The following DNAH17 variants were observed in gnomAD, a reference collection of about 807,000 sequenced individuals.
DNAH17 encodes the protein axonemal beta dynein heavy chain 17.
A neutral mutation model predicts 485.6 loss-of-function variants in DNAH17; 376 were observed. The ratio of observed to expected loss-of-function variants is 0.77; its 90% confidence interval spans 0.71 to 0.84. DNAH17 has a LOEUF of 0.84. Among genes scored for constraint, DNAH17 ranks in the 40% least tolerant of loss-of-function variants. The pLI, the probability that DNAH17 is intolerant of heterozygous loss-of-function variation, is 0.00. For synonymous variants in DNAH17, 3,031 were observed against 2,405.9 expected, an observed-to-expected ratio of 1.26 and a Z score of -7.60; for missense variants, 6,370 against 5,839.3, an observed-to-expected ratio of 1.09 and a Z score of -2.96.
Position 78,506,882 on chromosome 17 carries a change from C to A in DNAH17, c.4677-36G>T, listed in dbSNP as rs577996305. 230 of 1,613,032 alleles carry A rather than the reference C, an allele frequency of 1.4e-4. No homozygotes were observed. In the African/African-American group the frequency reaches 2.5e-3, roughly 17 times the overall value. On this transcript the variant is annotated intron_variant, in intron 29 of 80. Transcript: ENST00000389840. ...GGAAGGAAGTAGAGGAGGCCGGTGA[C>A]CCTACTCTGTAGGGATGTCTGCCAC...
At chr17:78,504,667 G>A (rs985724336) in intron 31 of DNAH17, among the ~76,000 whole-genome samples, 2 of 152,130 alleles carry the variant, frequency 1.3e-5, no homozygotes, top group Non-Finnish European at 2.9e-5. Context: ...AATGAGACAG[G>A]GGAGGGGGCA....
Position 78,572,875 on chromosome 17 carries a change from T to C in DNAH17, c.365A>G (p.Asn122Ser), listed in dbSNP as rs758628164. ...VVEEVLSSLL[N>S]QSENMAGWPQ... is the part of the protein sequence containing the mutation. ...CCATCCAGCCATGTTCTCACTTTGG[T>C]TTAACAGAGAAGAGAGGACCTAAAA... The change falls in exon 3 of 81, where the codon AAC (asparagine) becomes AGC (serine). Residue 122 changes from asparagine (N) to serine (S), a missense_variant. Coordinates refer to ENST00000389840, the MANE Select transcript of DNAH17 (RefSeq NM_173628.4). 2.5e-6 allele frequency: 4 copies of C among 1,613,652 alleles called. No homozygotes were observed. Among genetic ancestry groups the C allele is most frequent in the African/African-American group, 2.7e-5 (2 of 74,908 alleles).
In DNAH17 at chr17:78,492,679, G is replaced by A. The variant is rs766379402; in HGVS notation, c.6495C>T (p.Asp2165=). 109 of 1,613,542 alleles carry A rather than the reference G, an allele frequency of 6.8e-5. No homozygotes were observed. Among genetic ancestry groups the A allele is most frequent in the South Asian group, 1.2e-4 (11 of 91,036 alleles). ...VDLDPKAVTC[D]ELFGIINPVT... ...CTGGGTTGATGATGCCAAAGAGCTC[G>A]TCGCAGGTGACGGCCTTGGGGTCCA... The change falls in exon 42 of 81, where the codon GAC becomes GAT. Residue 2165 remains aspartate (D), a synonymous_variant. Coordinates refer to ENST00000389840, the MANE Select transcript of DNAH17 (RefSeq NM_173628.4).
chr17:78,472,634 G>C (rs1015135964), intron 54 of DNAH17: 7 of 434,200 alleles, frequency 1.6e-5, no homozygotes, highest in Admixed American at 1.2e-4. Flanking sequence ...CTGTGTGTGG[G>C]GTGTGGGGAG....
intron 34 of DNAH17, 151 bp from the exon 35 acceptor site, chr17:78,501,495 A>G: frequency 9.6e-7 from 1 of 1,040,324 alleles, no homozygotes; most frequent in East Asian, 2.6e-5. Context: ...ATCCAACTGT[A>G]TGGCCACCCT....
intron 54 of DNAH17, among the ~76,000 whole-genome samples, chr17:78,469,644 G>C (rs1410635570): frequency 6.6e-6 from 1 of 152,174 alleles, no homozygotes; most frequent in African/African-American, 2.4e-5. Flanking sequence ...GCACAGCCAG[G>C]TTCACAGCAG....
chr17:78,507,582 G>A lies in DNAH17; in HGVS notation c.4460C>T (p.Ser1487Phe). 6.2e-7 allele frequency: 1 copy of A among 1,614,152 alleles called. No individual in the cohort carries two copies. The highest frequency in any genetic ancestry group is 8.5e-7 in the Non-Finnish European group (1 of 1,179,994). Residue 1487 changes from serine to phenylalanine, a missense_variant, in exon 28 of 81, where the codon TCC becomes TTC. Transcript: ENST00000389840. ...QKLSTADSVISIWFEVQRTWS... is the reference protein window; with the variant it reads ...QKLSTADSVIFIWFEVQRTWS... The stretch of plus-strand genomic sequence containing the variant: ...GGTTCGCTGGACCTCAAACCAGATG[G>A]AGATGACGGAGTCCGCCGTGGACAG...
intron 13 of DNAH17, 39 bp downstream of exon 13, chr17:78,560,701 C>A: frequency 6.6e-7 from 1 of 1,514,046 alleles, no homozygotes; most frequent in Non-Finnish European, 8.9e-7. Flanking sequence ...CCCCCGCTCC[C>A]AAGGAGCCTT....
rs577728894 is a variant in DNAH17 at position 78,494,752 on chromosome 17, G to A, written c.6111C>T (p.Gly2037=). 1.1e-5 allele frequency: 18 copies of A among 1,613,488 alleles called. No individual in the cohort carries two copies. The South Asian group carries it at 1.2e-4, about 11-fold the overall frequency. ...CCTGGTCCTCTGCCCGGCTGGGGTC[G>A]CCCCTCTTCAGGGAGCCGGCCACCA... ...VLVVAGSLKR[G]DPSRAEDQVL... Residue 2037 remains glycine, a synonymous_variant, in exon 40 of 81, where the codon GGC becomes GGT. Coordinates refer to ENST00000389840, the MANE Select transcript of DNAH17 (RefSeq NM_173628.4).
chr17:78,530,346 T>C lies in DNAH17; in HGVS notation c.3281A>G (p.Asn1094Ser), dbSNP rs1241855745. The C allele has an allele frequency of 6.2e-7, 1 of 1,606,750 alleles. No homozygotes were observed. The highest frequency in any genetic ancestry group is 1.7e-5 in the Admixed American group (1 of 59,764). Residue 1094 changes from asparagine (N) to serine (S), a missense_variant, in exon 21 of 81, where the codon AAC becomes AGC. Physicochemically the swap from Asn to Ser is conservative, Grantham distance 46. Transcript: ENST00000389840. ...GAGTACATGGCTGGGGACCCACCTG[T>C]TGGTGACGTGGTTGCTCAGGTGCCG... The part of the protein sequence containing the change: ...FKRHLSNHVT[N>S]SLADLEAFMK...
intron 56 of DNAH17, among the ~76,000 whole-genome samples, chr17:78,463,472 ACG>A (rs2088251445): frequency 1.3e-5 from 2 of 152,108 alleles, no homozygotes; most frequent in Admixed American, 6.5e-5. Context: ...ACACGTGCAT[ACG>A]CATTCACATA....
At chr17:78,476,533 A>G (rs1182643728) in intron 52 of DNAH17, 39 bp downstream of exon 52, 14 of 1,583,150 alleles carry the variant, frequency 8.8e-6, no homozygotes, top group Non-Finnish European at 1.2e-5. Context: ...TCCTGGAGCC[A>G]TTCTGGGCTC....
intron 65 of DNAH17, among the ~76,000 whole-genome samples, chr17:78,452,590 T>A (rs981207876): frequency 6.6e-6 from 1 of 151,936 alleles, no homozygotes; most frequent in Admixed American, 6.6e-5. Context: ...ATACAAAAAT[T>A]AGCTGGGCAC....
At chr17:78,465,527 G>A (rs62073511) in intron 56 of DNAH17, among the ~76,000 whole-genome samples, 1 of 19,216 alleles carries the variant, frequency 5.2e-5, no homozygotes, top group African/African-American at 7.4e-5. Flanking sequence ...GAAGTGAGGA[G>A]CGTCTCTGCC....
intron 48 of DNAH17, among the ~76,000 whole-genome samples, chr17:78,484,563 G>T (rs1450594514): frequency 1.9e-5 from 2 of 107,964 alleles, no homozygotes; most frequent in Non-Finnish European, 4.2e-5. Context: ...GGTGGAAGGG[G>T]GGAAGGAGGA....
chr17:78,440,244 C>CTTTTTTTT (rs71160296), intron 72 of DNAH17, among the ~76,000 whole-genome samples: 1 of 40,308 alleles, frequency 2.5e-5, no homozygotes, highest in Non-Finnish European at 4.1e-5. Context: ...CGACTTCATG[C>CTTTTTTTT]TTTTTTTTTT....
chr17:78,467,430 G>A (rs1382356562), intron 55 of DNAH17, among the ~76,000 whole-genome samples: 1 of 152,236 alleles, frequency 6.6e-6, no homozygotes, highest in African/African-American at 2.4e-5. Flanking sequence ...GTGATGACGT[G>A]AGGGTGCAGG....
In DNAH17 at chr17:78,467,997, G is replaced by A. The variant is rs528271849; in HGVS notation, c.8778+620C>T. 1.6e-3 allele frequency among the ~76,000 whole-genome samples: 226 copies of A among 139,954 alleles called. 3 individuals are homozygous for A. The highest frequency in any genetic ancestry group is 5.6e-3 in the African/African-American group (206 of 37,114). 91.8% of individuals were successfully genotyped at this position (139,954 alleles called of 152,430 possible). On this transcript the variant is annotated intron_variant, in intron 55 of 80. Coordinates refer to ENST00000389840, the MANE Select transcript of DNAH17 (RefSeq NM_173628.4). The stretch of plus-strand genomic sequence containing the variant: ...CACGCCATTGCACTCCAGCCTGGGC[G>A]ACAAGTGAAACTCCATCTCAAAAAA...
At chr17:78,571,056 C>T (rs1163147393) in intron 5 of DNAH17, 23 bp from the exon 6 acceptor site, 5 of 1,555,636 alleles carry the variant, frequency 3.2e-6, no homozygotes, top group East Asian at 2.4e-5. Context: ...AGAACAAGTG[C>T]CCACCGGTAA....
Sources: gnomAD v4.1 joint callset for allele counts (sites outside exome capture counted in the v4.1 genomes callset) on GRCh38, gnomAD v4.1.1 for gene constraint, MANE v1.5 for transcripts, NCBI Gene and HGNC (gene_info 2026-07-23, HGNC 2026-07-21) for gene names.